The following KIF26B variants were observed in gnomAD, a reference collection of about 807,000 sequenced individuals.
The protein encoded by KIF26B is kinesin family member 26B.
In KIF26B, 63 loss-of-function variants were observed where a neutral mutation model predicts 151.2. The observed-to-expected ratio is 0.42, with a 90% CI of 0.34 to 0.51. KIF26B has a LOEUF of 0.51. Ranked by LOEUF, KIF26B falls within the 20% of genes least tolerant of loss-of-function variation. The probability of loss-of-function intolerance (pLI) is 0.07; values close to 1 mark genes in which losing one functional copy is unlikely to be tolerated. For missense variants in KIF26B, 2,813 were observed against 2,913.6 expected (o/e 0.97, Z 0.79); for synonymous variants, 1,357 against 1,262.1 (o/e 1.08, Z -1.59).
At chr1:245,574,728 C>T (rs1262155833) in intron 5 of KIF26B, among the ~76,000 whole-genome samples, 2 of 152,158 alleles carry the variant, frequency 1.3e-5, no homozygotes, top group African/African-American at 4.8e-5. Flanking sequence ...GTGGGTGTGA[C>T]GGGGAGTCAG....
At chr1:245,641,648 A>AT (rs2043893804) in intron 9 of KIF26B, among the ~76,000 whole-genome samples, 1 of 151,470 alleles carries the variant, frequency 6.6e-6, no homozygotes, top group Admixed American at 6.6e-5. Context: ...CATTTATTGA[A>AT]TTTTTTACCT....
intron 4 of KIF26B, among the ~76,000 whole-genome samples, chr1:245,478,697 G>A (rs1572082894): frequency 6.6e-6 from 1 of 151,712 alleles, no homozygotes; most frequent in South Asian, 2.1e-4. Context: ...TGACAGGCGT[G>A]AGCCACCGCG....
intron 5 of KIF26B, among the ~76,000 whole-genome samples, chr1:245,600,810 G>A (rs771901606): frequency 1.7e-4 from 26 of 152,216 alleles, no homozygotes; most frequent in Admixed American, 5.9e-4. Flanking sequence ...TTGCACAGCC[G>A]CCCATATGAC....
At chr1:245,398,101 C>T (rs981068866) in intron 3 of KIF26B, among the ~76,000 whole-genome samples, 5 of 152,154 alleles carry the variant, frequency 3.3e-5, no homozygotes, top group South Asian at 4.1e-4. Context: ...ACTACTCCCT[C>T]GGGAGAGAAG....
rs559209530 is a variant in KIF26B, at chr1:245,166,601, C to T, written c.465+9918C>T. ...GATGTGGCATTTGGCATTTCGGCTC[C>T]GGGGAATGAGGGAGAGCAGATTTCC... On this transcript the variant is annotated intron_variant, in intron 2 of 14. Transcript: ENST00000407071. This position sits in a 1 kb window ranked among gnomAD's most constrained non-coding sequence, Gnocchi z 4.5. 3.3e-5 allele frequency among the ~76,000 whole-genome samples: 5 copies of T among 152,280 alleles called. No individual in the cohort carries two copies. Among genetic ancestry groups the T allele is most frequent in the East Asian group, 1.9e-4 (1 of 5,176 alleles).
chr1:245,448,652 G>A (rs558130076), intron 4 of KIF26B, among the ~76,000 whole-genome samples: 1 of 152,156 alleles, frequency 6.6e-6, no homozygotes, highest in Non-Finnish European at 1.5e-5. Context: ...CCTGGAGGAC[G>A]CCTTGCAGCT....
intron 4 of KIF26B, among the ~76,000 whole-genome samples, chr1:245,491,249 A>C (rs1475367116): frequency 1.3e-5 from 2 of 152,224 alleles, no homozygotes; most frequent in Non-Finnish European, 2.9e-5. Context: ...CTTACATATA[A>C]GTGGCTTTGT....
intron 4 of KIF26B, among the ~76,000 whole-genome samples, chr1:245,447,497 G>A (rs954628442): frequency 6.6e-6 from 1 of 152,124 alleles, no homozygotes; most frequent in Non-Finnish European, 1.5e-5. Context: ...ATCAGGTCTC[G>A]AGGGCTCCAT....
chr1:245,216,157 T>G (rs1379290312), intron 2 of KIF26B: 1 of 151,828 alleles, frequency 6.6e-6, no homozygotes, highest in Non-Finnish European at 1.5e-5. Flanking sequence ...CTTTAAGAGA[T>G]ATCCCTTCTC....
At chr1:245,320,343 A>T (rs1671863771) in intron 2 of KIF26B, among the ~76,000 whole-genome samples, 1 of 152,232 alleles carries the variant, frequency 6.6e-6, no homozygotes, top group African/African-American at 2.4e-5. Context: ...TTTTCAGCTT[A>T]TAGAAAAAAA....
chr1:245,342,419 T>C (rs1672352675), intron 2 of KIF26B, among the ~76,000 whole-genome samples: 3 of 152,206 alleles, frequency 2.0e-5, no homozygotes, highest in Admixed American at 1.3e-4. Flanking sequence ...AGAGTGTTAA[T>C]GATGCTGCCT....
intron 10 of KIF26B, among the ~76,000 whole-genome samples, chr1:245,651,224 C>T (rs2044012571): frequency 6.6e-6 from 1 of 152,154 alleles, no homozygotes; most frequent in African/African-American, 2.4e-5. Flanking sequence ...CGGGACACAC[C>T]AGTTCATTCA....
chr1:245,228,579 A>T (rs1211664343), intron 2 of KIF26B, among the ~76,000 whole-genome samples: 1 of 152,196 alleles, frequency 6.6e-6, no homozygotes, highest in Non-Finnish European at 1.5e-5. Context: ...AAAAAAAAAA[A>T]ACAAAAGGCA....
intron 2 of KIF26B, among the ~76,000 whole-genome samples, chr1:245,266,183 A>C (rs1219850717): frequency 6.6e-6 from 1 of 152,202 alleles, no homozygotes; most frequent in Non-Finnish European, 1.5e-5. Context: ...TAGTTAATAA[A>C]CCTATGAAAA....
At chr1:245,252,847 G>A (rs1670468423) in intron 2 of KIF26B, among the ~76,000 whole-genome samples, 2 of 152,116 alleles carry the variant, frequency 1.3e-5, no homozygotes, top group South Asian at 2.1e-4. Context: ...CTATCACTTA[G>A]CCATTAAGTA....
Position 245,608,852 on chromosome 1 carries a change from A to G in KIF26B, c.1652-414A>G, listed in dbSNP as rs552982840. On this transcript the variant is annotated intron_variant, in intron 7 of 14. Transcript: ENST00000407071. The stretch of plus-strand genomic sequence containing the variant: ...CTGTAACCTCCAATTCCTGGGCTCA[A>G]GTGATCCTCTCGCCTCAGCTTCCCA... Among the ~76,000 whole-genome samples, 4 of 152,220 alleles carry G rather than the reference A, an allele frequency of 2.6e-5. No homozygotes were observed. The South Asian group carries it at 8.3e-4, about 32-fold the overall frequency.
chr1:245,373,605 T>C (rs990898474), intron 3 of KIF26B, among the ~76,000 whole-genome samples: 3 of 152,222 alleles, frequency 2.0e-5, no homozygotes, highest in African/African-American at 7.2e-5. Flanking sequence ...AAAATGCTCT[T>C]GATACAATTT....
intron 10 of KIF26B, among the ~76,000 whole-genome samples, chr1:245,678,920 T>C (rs1319663391): frequency 2.6e-5 from 4 of 151,898 alleles, no homozygotes; most frequent in Admixed American, 2.6e-4. Flanking sequence ...GAAAAGAGCA[T>C]GCCTGTGCGT....
chr1:245,281,639 G>A (rs1272271798), intron 2 of KIF26B, among the ~76,000 whole-genome samples: 2 of 141,124 alleles, frequency 1.4e-5, no homozygotes, highest in Non-Finnish European at 3.1e-5. Context: ...TTTGTCTTTT[G>A]TTGCCATTGC....
Sources: allele counts gnomAD v4.1 joint callset (sites outside exome capture counted in the v4.1 genomes callset), GRCh38; gene constraint gnomAD v4.1.1; non-coding constraint Gnocchi (gnomAD v3.1); transcripts MANE v1.5; gene names NCBI Gene and HGNC (gene_info 2026-07-23, HGNC 2026-07-21).